The following RNF220 variants were observed in gnomAD, a reference collection of about 807,000 sequenced individuals.
The protein encoded by RNF220 is E3 ubiquitin-protein ligase RNF220.
In RNF220, 7 loss-of-function variants were observed where a neutral mutation model predicts 67.1. That is an observed-to-expected ratio of 0.10 (90% confidence interval 0.06 to 0.20). The LOEUF (loss-of-function observed/expected upper bound fraction) is 0.20, where lower values mean the gene tolerates loss of function less well. Among genes scored for constraint, RNF220 ranks in the 10% least tolerant of loss-of-function variants. The pLI, the probability that RNF220 is intolerant of heterozygous loss-of-function variation, is 1.00. For synonymous variants in RNF220, 270 were observed against 283.2 expected (o/e 0.95, Z 0.47); for missense variants, 565 against 740.3 (o/e 0.76, Z 2.75).
intron 2 of RNF220, among the ~76,000 whole-genome samples, chr1:44,503,152 G>A (rs1227489252): frequency 6.6e-6 from 1 of 151,966 alleles, no homozygotes; most frequent in African/African-American, 2.4e-5. Context: ...TGGCCAACAT[G>A]GTGAAACCCC....
intron 2 of RNF220, among the ~76,000 whole-genome samples, chr1:44,570,547 A>G (rs1156783102): frequency 1.3e-5 from 2 of 152,226 alleles, no homozygotes; most frequent in Non-Finnish European, 2.9e-5. Flanking sequence ...AGATCAGAAC[A>G]GGCTAAAGCC....
At position 44,645,163 on chromosome 1, in the gene RNF220, A is replaced by AG. The variant is rs971121546; in HGVS notation, c.1311-55dup. 1.3e-4 allele frequency: 209 copies of AG among 1,612,576 alleles called. 4 individuals carry two copies. In the Admixed American group the frequency reaches 3.2e-3, roughly 25 times the overall value. On this transcript the variant is annotated intron_variant, in intron 10 of 14. Transcript: ENST00000361799. This position sits in a 1 kb window ranked among gnomAD's most constrained non-coding sequence, Gnocchi z 5.0. The stretch of plus-strand genomic sequence containing the variant: ...AGGGGTTAACGCAGTACTGACCCTC[A>AG]GGGCTGTCCTGCCCGCCTTCAGGCC...
intron 2 of RNF220, among the ~76,000 whole-genome samples, chr1:44,529,595 C>T (rs183832762): frequency 6.6e-4 from 100 of 152,224 alleles, no homozygotes; most frequent in African/African-American, 2.3e-3. Context: ...AGGCTGGTCT[C>T]GAACTCCTGG....
At chr1:44,590,049 A>C (rs1666005941) in intron 2 of RNF220, among the ~76,000 whole-genome samples, 1 of 152,196 alleles carries the variant, frequency 6.6e-6, no homozygotes, top group Admixed American at 6.5e-5. Context: ...GGGGATGGAC[A>C]GGGCACAGTG....
chr1:44,648,363 G>GT (rs1206147822), intron 12 of RNF220: 2 of 152,360 alleles, frequency 1.3e-5, no homozygotes, highest in Non-Finnish European at 2.9e-5. Flanking sequence ...CTGGCATTTA[G>GT]TAAGTGCTTA....
At chr1:44,408,457 C>A (rs936302017) in intron 1 of RNF220, among the ~76,000 whole-genome samples, 4 of 152,170 alleles carry the variant, frequency 2.6e-5, no homozygotes, top group African/African-American at 9.7e-5. Flanking sequence ...CAAATACCCC[C>A]TGGGCATTTG....
chr1:44,626,524 C>T (rs1643943831), intron 5 of RNF220, 126 bp downstream of exon 5: 2 of 696,252 alleles, frequency 2.9e-6, no homozygotes, highest in Admixed American at 2.4e-5. Context: ...GGGTTTGGTT[C>T]CCCCTGTGTC....
intron 2 of RNF220, among the ~76,000 whole-genome samples, chr1:44,500,962 A>G (rs992306801): frequency 1.4e-5 from 2 of 145,586 alleles, no homozygotes; most frequent in African/African-American, 5.1e-5. Flanking sequence ...CCTGTCAGAG[A>G]GTGGGCCTGG....
rs1277969881 is a variant in RNF220, at chr1:44,645,351, A to G, written c.1367-59A>G. On this transcript the variant is annotated intron_variant, in intron 11 of 14. Coordinates refer to ENST00000361799, the MANE Select transcript of RNF220 (RefSeq NM_018150.4). This position sits in a 1 kb window ranked among gnomAD's most constrained non-coding sequence, Gnocchi z 5.0. ...GATGGTGGTGACTGACTCAAGCCCA[A>G]CCCCTCACCTGTGCTGCCCAGTCTG... 3 of 1,612,802 alleles carry G rather than the reference A, an allele frequency of 1.9e-6. No individual in the cohort carries two copies. The highest frequency in any genetic ancestry group is 1.7e-5 in the Admixed American group (1 of 59,964).
chr1:44,593,392 A>C (rs975154377), intron 2 of RNF220, among the ~76,000 whole-genome samples: 1 of 152,198 alleles, frequency 6.6e-6, no homozygotes, highest in Admixed American at 6.5e-5. Flanking sequence ...TATCTAAAGA[A>C]ATTTTTCATA....
intron 3 of RNF220, among the ~76,000 whole-genome samples, chr1:44,620,576 A>G (rs1191373756): frequency 6.6e-6 from 1 of 152,248 alleles, no homozygotes; most frequent in African/African-American, 2.4e-5. Flanking sequence ...CCCAGTGCCT[A>G]CATCAGGGCT....
chr1:44,528,791 T>G (rs562790172), intron 2 of RNF220, among the ~76,000 whole-genome samples: 7 of 151,788 alleles, frequency 4.6e-5, no homozygotes, highest in African/African-American at 1.5e-4. Context: ...ATTTTGTATT[T>G]TTAGTAGAGA....
intron 8 of RNF220, chr1:44,636,577 G>C (rs1477896590): frequency 7.9e-6 from 5 of 634,642 alleles, no homozygotes; most frequent in African/African-American, 3.7e-5. Context: ...AGGGCTTCCA[G>C]GCAAACACAT....
intron 1 of RNF220, among the ~76,000 whole-genome samples, chr1:44,406,029 A>AG (rs1291885971): frequency 3.3e-5 from 5 of 151,986 alleles, no homozygotes; most frequent in Non-Finnish European, 5.9e-5. Context: ...ATTTCCGGCG[A>AG]GGCCAGGGCT....
intron 2 of RNF220, among the ~76,000 whole-genome samples, chr1:44,461,830 G>A (rs1189410517): frequency 6.6e-6 from 1 of 151,830 alleles, no homozygotes; most frequent in Non-Finnish European, 1.5e-5. Flanking sequence ...GTTAATGGCT[G>A]GTCAAAATGA....
chr1:44,415,037 G>T (rs1000620973), intron 2 of RNF220, among the ~76,000 whole-genome samples: 5 of 147,830 alleles, frequency 3.4e-5, no homozygotes, highest in African/African-American at 1.3e-4. Context: ...ACCTTAGGTG[G>T]TTAGCACATC....
intron 2 of RNF220, among the ~76,000 whole-genome samples, chr1:44,570,509 C>G (rs907938553): frequency 6.6e-6 from 1 of 152,176 alleles, no homozygotes; most frequent in Non-Finnish European, 1.5e-5. Flanking sequence ...ACAGAGGGGT[C>G]GGATAATGTC....
At chr1:44,523,278 G>A (rs928368076) in intron 2 of RNF220, among the ~76,000 whole-genome samples, 7 of 152,308 alleles carry the variant, frequency 4.6e-5, no homozygotes, top group Middle Eastern at 3.4e-3. Flanking sequence ...AAGTGGCCCT[G>A]TAATGGCCAT....
At chr1:44,469,112 C>T (rs976879236) in intron 2 of RNF220, among the ~76,000 whole-genome samples, 21 of 151,848 alleles carry the variant, frequency 1.4e-4, no homozygotes, top group Admixed American at 1.3e-4. Context: ...ATATAAATGG[C>T]CAATAATCAT....
Sources: allele counts gnomAD v4.1 joint callset (sites outside exome capture counted in the v4.1 genomes callset), GRCh38; gene constraint gnomAD v4.1.1; non-coding constraint Gnocchi (gnomAD v3.1); transcripts MANE v1.5; gene names NCBI Gene and HGNC (gene_info 2026-07-23, HGNC 2026-07-21).